ARIH1: variants seen among roughly 807,000 people sequenced by gnomAD.
The protein encoded by ARIH1 is ariadne RBR E3 ubiquitin protein ligase 1, also known as E3 ubiquitin-protein ligase ARIH1.
ARIH1 carries 8 observed loss-of-function variants against 85.0 expected under a neutral mutation model. The ratio of observed to expected loss-of-function variants is 0.09; its 90% CI spans 0.06 to 0.17. The LOEUF is 0.17. Ranked by LOEUF, ARIH1 falls within the 10% of genes least tolerant of loss-of-function variation. The pLI, the probability that ARIH1 is intolerant of heterozygous loss-of-function variation, is 1.00. For synonymous variants in ARIH1, 238 were observed against 253.6 expected (o/e 0.94, Z 0.59); for missense variants, 311 against 718.1 (o/e 0.43, Z 6.48).
chr15:72,476,200 T>G lies in ARIH1; in HGVS notation c.375+1186T>G, dbSNP rs180979189. On this transcript the variant is annotated intron_variant, in intron 1 of 13. Coordinates refer to ENST00000379887, the MANE Select transcript of ARIH1 (RefSeq NM_005744.5). ...TTATTAACTGATTTTTATAGTATTATAAGTAACAGTTTTAAAAATTGAAGC... is the reference window on the plus strand; with the variant it reads ...TTATTAACTGATTTTTATAGTATTAGAAGTAACAGTTTTAAAAATTGAAGC... Among the ~76,000 whole-genome samples the G allele has an allele frequency of 1.0e-3, 156 of 152,340 alleles. 1 individual carries two copies. The highest frequency in any genetic ancestry group is 3.6e-3 in the African/African-American group (151 of 41,570).
rs1001530829 is a variant in ARIH1, at chr15:72,587,867, A to G, written c.*4575A>G. The G allele has an allele frequency of 1.3e-5, 2 of 152,162 alleles. No individual in the cohort carries two copies. Among genetic ancestry groups the G allele is most frequent in the Non-Finnish European group, 2.9e-5 (2 of 68,022 alleles). The allele number at this position is 152,162 out of a possible 1,614,324, so 9.4% of individuals were successfully genotyped here. A position where few individuals can be genotyped will look rare whatever the true frequency, so the allele number is the denominator to read the frequency against. The stretch of plus-strand genomic sequence containing the variant: ...TTGCTTTTGTGTGGAGTTGAGTCCA[A>G]TTTTTAAGGCAACTATTGTTGACCT... On this transcript the variant is annotated 3_prime_UTR_variant, in exon 14 of 14. Transcript: ENST00000379887.
In ARIH1 at chr15:72,506,366, G is replaced by GA. The variant is rs1227942202; in HGVS notation, c.376-11690dup. On this transcript the variant is annotated intron_variant, in intron 1 of 13. Transcript: ENST00000379887. ...CTCCGTCTCACAAAAAAAAAAAAAA[G>GA]AAAAAAAAAAAGAACTTAGTCATTG... 3.1e-3 allele frequency among the ~76,000 whole-genome samples: 167 copies of GA among 54,504 alleles called. 1 individual carries two copies. The highest frequency in any genetic ancestry group is 7.0e-3 in the African/African-American group (143 of 20,454). The allele number at this position is 54,504 out of a possible 152,430, so 35.8% of individuals were successfully genotyped here.
At chr15:72,507,986 T>A (rs2063933645) in intron 1 of ARIH1, among the ~76,000 whole-genome samples, 2 of 152,242 alleles carry the variant, frequency 1.3e-5, no homozygotes, top group African/African-American at 4.8e-5. Context: ...TTCCCAGTTC[T>A]GTCTGCATGT....
intron 10 of ARIH1, among the ~76,000 whole-genome samples, chr15:72,570,990 G>A (rs1275988453): frequency 6.6e-6 from 1 of 151,844 alleles, no homozygotes; most frequent in Non-Finnish European, 1.5e-5. Flanking sequence ...TTAGCCAGGC[G>A]TGGTGGCGCA....
intron 1 of ARIH1, among the ~76,000 whole-genome samples, chr15:72,498,961 ATTTTT>A (rs535261674): frequency 1.4e-4 from 12 of 88,422 alleles, no homozygotes; most frequent in African/African-American, 5.1e-4. Context: ...CTTTTCATAA[ATTTTT>A]TTTTTTTTTT....
At position 72,588,627 on chromosome 15, in the gene ARIH1, C is replaced by T. The variant is rs2064328049; in HGVS notation, c.*5335C>T. 1 of 152,140 alleles carries T rather than the reference C, an allele frequency of 6.6e-6. No homozygotes were observed. Among genetic ancestry groups the T allele is most frequent in the South Asian group, 2.1e-4 (1 of 4,824 alleles). 9.4% of individuals were successfully genotyped at this position (152,140 alleles called of 1,614,324 possible). ...AAATGATTCAAGGCAAATTGACTGG[C>T]TCAGAATAGGGCCTCACTGGAGGCC... On this transcript the variant is annotated 3_prime_UTR_variant, in exon 14 of 14. Transcript: ENST00000379887.
chr15:72,566,485 G>A, intron 7 of ARIH1, 78 bp from the exon 8 acceptor site: 1 of 1,137,060 alleles, frequency 8.8e-7, no homozygotes, highest in Non-Finnish European at 1.3e-6. Context: ...GGAACTATAA[G>A]GCATGAAATG....
At chr15:72,545,048 T>C (rs1383531471) in intron 3 of ARIH1, 84 bp downstream of exon 3, 1 of 1,323,332 alleles carries the variant, frequency 7.6e-7, no homozygotes, top group East Asian at 2.4e-5. Flanking sequence ...AAAGGAAAAT[T>C]TGTGGGTCTG....
At chr15:72,475,138 GT>G in intron 1 of ARIH1, 124 bp downstream of exon 1, 1 of 1,435,338 alleles carries the variant, frequency 7.0e-7, no homozygotes, top group Non-Finnish European at 9.2e-7. Flanking sequence ...TCCCGGCCTT[GT>G]CTTCTCCGCT....
chr15:72,474,867 C>T lies in ARIH1; in HGVS notation c.228C>T (p.Pro76=), dbSNP rs1381738572. 7.8e-6 allele frequency: 11 copies of T among 1,412,968 alleles called. No individual in the cohort carries two copies. The highest frequency in any genetic ancestry group is 9.3e-6 in the Non-Finnish European group (10 of 1,076,648). 87.5% of individuals were successfully genotyped at this position (1,412,968 alleles called of 1,614,324 possible). A position where few individuals can be genotyped will look rare whatever the true frequency, so the allele number is the denominator to read the frequency against. Residue 76 remains proline (P), a synonymous_variant, in exon 1 of 14, where the codon CCC becomes CCT. Transcript: ENST00000379887. The part of the protein sequence containing the change: ...TGGGGGSALG[P]GGGGGGGGGG... ...GTGGCGGCGGCAGCGCTCTGGGGCC[C>T]GGCGGTGGCGGCGGCGGCGGCGGCG...
chr15:72,485,449 T>A (rs2063834067), intron 1 of ARIH1, among the ~76,000 whole-genome samples: 1 of 152,152 alleles, frequency 6.6e-6, no homozygotes, highest in South Asian at 2.1e-4. Flanking sequence ...TCTAAAACAC[T>A]GCCGTCTCTG....
At chr15:72,525,170 C>T (rs1269179041) in intron 2 of ARIH1, among the ~76,000 whole-genome samples, 1 of 152,168 alleles carries the variant, frequency 6.6e-6, no homozygotes, top group African/African-American at 2.4e-5. Flanking sequence ...GGATTATAGG[C>T]ATGAGCCACT....
At chr15:72,549,077 T>TCA (rs1491539967) in intron 3 of ARIH1, among the ~76,000 whole-genome samples, 18 of 149,660 alleles carry the variant, frequency 1.2e-4, no homozygotes, top group Admixed American at 1.2e-3. Context: ...GACTACAGCG[T>TCA]CTCTCTCTCT....
chr15:72,526,696 C>A (rs994385849), intron 2 of ARIH1, among the ~76,000 whole-genome samples: 1 of 151,936 alleles, frequency 6.6e-6, no homozygotes, highest in African/African-American at 2.4e-5. Context: ...CCAACCTGGG[C>A]GACAGAGGAA....
intron 1 of ARIH1, among the ~76,000 whole-genome samples, chr15:72,495,749 T>G (rs1180291669): frequency 1.3e-5 from 2 of 152,066 alleles, no homozygotes; most frequent in Non-Finnish European, 2.9e-5. Flanking sequence ...AGGCAAAAAT[T>G]TCTGTATCAA....
intron 2 of ARIH1, among the ~76,000 whole-genome samples, chr15:72,532,780 A>G (rs141699209): frequency 8.3e-4 from 127 of 152,376 alleles, no homozygotes; most frequent in Non-Finnish European, 1.1e-3. Context: ...AATCCTGGGA[A>G]TGCTAGGTTG....
At chr15:72,507,264 T>TC (rs2063930200) in intron 1 of ARIH1, among the ~76,000 whole-genome samples, 1 of 152,180 alleles carries the variant, frequency 6.6e-6, no homozygotes, top group Admixed American at 6.5e-5. Flanking sequence ...CCTCAAGTGA[T>TC]CCGCCTGCCT....
At chr15:72,537,941 T>C (rs1432943033) in intron 2 of ARIH1, among the ~76,000 whole-genome samples, 1 of 152,238 alleles carries the variant, frequency 6.6e-6, no homozygotes, top group Non-Finnish European at 1.5e-5. Flanking sequence ...AATGTGTTTT[T>C]TAATACATTT....
chr15:72,509,827 C>T (rs2063942102), intron 1 of ARIH1, among the ~76,000 whole-genome samples: 1 of 151,666 alleles, frequency 6.6e-6, no homozygotes, highest in Non-Finnish European at 1.5e-5. Flanking sequence ...TGGGCTCAAG[C>T]AGTCCTCCCG....
Sources: gnomAD v4.1 joint callset for allele counts (sites outside exome capture counted in the v4.1 genomes callset) on GRCh38, gnomAD v4.1.1 for gene constraint, MANE v1.5 for transcripts, NCBI Gene and HGNC (gene_info 2026-07-23, HGNC 2026-07-21) for gene names.